PXDN: variants seen among roughly 807,000 people sequenced by gnomAD.
PXDN encodes peroxidasin, also known as peroxidasin homolog.
In PXDN, 77 loss-of-function variants were observed where a neutral mutation model predicts 140.3. That is an observed-to-expected ratio of 0.55 (90% CI 0.46 to 0.66). PXDN has a LOEUF of 0.66. PXDN is among the 30% of genes least tolerant of loss of function. The pLI is 0.00. For synonymous variants in PXDN, 911 were observed against 857.4 expected (o/e 1.06, Z -1.09); for missense variants, 1,838 against 2,039.5 (o/e 0.90, Z 1.90).
At position 1,633,980 on chromosome 2, in the gene PXDN, G is replaced by C; in HGVS notation, c.*224C>G. On this transcript the variant is annotated 3_prime_UTR_variant, in exon 23 of 23. Transcript: ENST00000252804. ...ACCTGAGAAGTCTAACGTGAAGCTAGGACTCCTGCCTGCTTCCCTTCAGGC... is the reference window on the plus strand; with the variant it reads ...ACCTGAGAAGTCTAACGTGAAGCTACGACTCCTGCCTGCTTCCCTTCAGGC... 2.1e-6 allele frequency: 1 copy of C among 486,442 alleles called. No homozygotes were observed. Among genetic ancestry groups the C allele is most frequent in the East Asian group, 3.3e-5 (1 of 30,550 alleles). 30.1% of individuals were successfully genotyped at this position (486,442 alleles called of 1,614,324 possible).
intron 14 of PXDN, 118 bp from the exon 15 acceptor site, chr2:1,654,626 A>G (rs547185077): frequency 9.4e-6 from 6 of 636,706 alleles, no homozygotes; most frequent in African/African-American, 9.2e-5. Flanking sequence ...TGTTATTTCT[A>G]TTTTTCAAAC....
chr2:1,734,513 T>C lies in PXDN; in HGVS notation c.200+9743A>G, dbSNP rs117762826. 9.8e-4 allele frequency among the ~76,000 whole-genome samples: 149 copies of C among 152,288 alleles called. 4 individuals are homozygous for C. In the East Asian group the frequency reaches 0.026, roughly 27 times the overall value. On this transcript the variant is annotated intron_variant, in intron 1 of 22. Coordinates refer to ENST00000252804, the MANE Select transcript of PXDN (RefSeq NM_012293.3). ...TATTGGCTCTTCCTTTCCCAAAAGG[T>C]TTCTCTGTAGTATGCGATGCTGTTT... is the stretch of plus-strand genomic sequence containing the variant.
chr2:1,712,264 CA>C, intron 1 of PXDN, among the ~76,000 whole-genome samples: 1 of 152,188 alleles, frequency 6.6e-6, no homozygotes. Flanking sequence ...TGAGTTTAAT[CA>C]GCAAATGTAA....
intron 1 of PXDN, among the ~76,000 whole-genome samples, chr2:1,740,744 T>C (rs1685524515): frequency 6.6e-6 from 1 of 152,178 alleles, no homozygotes; most frequent in South Asian, 2.1e-4. Context: ...GAGGGCAAGA[T>C]TCCGGTCTCG....
intron 1 of PXDN, among the ~76,000 whole-genome samples, chr2:1,701,950 T>TG (rs893198937): frequency 2.6e-5 from 4 of 152,146 alleles, no homozygotes; most frequent in Admixed American, 1.3e-4. Context: ...TGCTTGATCT[T>TG]GGACTTCCAG....
intron 7 of PXDN, among the ~76,000 whole-genome samples, chr2:1,677,579 C>T (rs112147217): frequency 5.9e-5 from 9 of 152,298 alleles, no homozygotes; most frequent in African/African-American, 1.7e-4. Context: ...CTGCCTCCTG[C>T]GTGCCCGTGA....
chr2:1,635,347 A>C, intron 22 of PXDN, 61 bp downstream of exon 22: 1 of 1,431,038 alleles, frequency 7.0e-7, no homozygotes, highest in East Asian at 2.5e-5. Context: ...CTGAGTGGTC[A>C]CATGGGACTC....
chr2:1,704,702 A>C (rs1684548168), intron 1 of PXDN, among the ~76,000 whole-genome samples: 3 of 151,466 alleles, frequency 2.0e-5, no homozygotes, highest in African/African-American at 7.3e-5. Context: ...CTTCCAGGTC[A>C]CAGGTAGATA....
At chr2:1,636,252 G>C (rs577228408) in intron 21 of PXDN, 1 of 153,050 alleles carries the variant, frequency 6.5e-6, no homozygotes, top group Admixed American at 6.5e-5. Flanking sequence ...AACTGTCTGT[G>C]ATGTCTGAAA....
Position 1,687,301 on chromosome 2 carries a change from G to A in PXDN, c.416+331C>T, listed in dbSNP as rs1209963879. On this transcript the variant is annotated intron_variant, in intron 4 of 22. Coordinates refer to ENST00000252804, the MANE Select transcript of PXDN (RefSeq NM_012293.3). The surrounding 1 kb of genome is among the most constrained non-coding windows in gnomAD (Gnocchi z 4.0). ...AAGGATGCCTTGATCGGACTTGGGC[G>A]CCTGCCTGTCTCTCCTCTAAGTTGT... Among the ~76,000 whole-genome samples the A allele has an allele frequency of 6.6e-6, 1 of 152,154 alleles. No individual in the cohort carries two copies. The highest frequency in any genetic ancestry group is 6.5e-5 in the Admixed American group (1 of 15,274).
chr2:1,633,166 C>CTTTTTTTT lies in PXDN; in HGVS notation c.*1030_*1037dup, dbSNP rs371485291. 1 of 136,334 alleles carries CTTTTTTTT rather than the reference C, an allele frequency of 7.3e-6. No individual in the cohort carries two copies. The highest frequency in any genetic ancestry group is 1.6e-5 in the Non-Finnish European group (1 of 64,512). The allele number at this position is 136,334 out of a possible 1,614,324, so 8.4% of individuals were successfully genotyped here. A position where few individuals can be genotyped will look rare whatever the true frequency, so the allele number is the denominator to read the frequency against. On this transcript the variant is annotated 3_prime_UTR_variant, in exon 23 of 23. Transcript: ENST00000252804. ...AAAATACAAATGAGGTATAGGGATT[C>CTTTTTTTT]TTTTTTTTTTTTTTTTTTAACGCAC...
intron 7 of PXDN, among the ~76,000 whole-genome samples, 190 bp downstream of exon 7, chr2:1,680,002 GT>G (rs1683849404): frequency 6.6e-6 from 1 of 150,486 alleles, no homozygotes; most frequent in Non-Finnish European, 1.5e-5. Context: ...AATGGTATGT[GT>G]GTGTGTGGAT....
At chr2:1,719,089 C>G (rs772626175) in intron 1 of PXDN, among the ~76,000 whole-genome samples, 1 of 152,242 alleles carries the variant, frequency 6.6e-6, no homozygotes, top group East Asian at 1.9e-4. Flanking sequence ...GCTGCACTGG[C>G]GCAGTCATGG....
At chr2:1,705,202 G>C (rs1287404335) in intron 1 of PXDN, among the ~76,000 whole-genome samples, 1 of 151,860 alleles carries the variant, frequency 6.6e-6, no homozygotes, top group African/African-American at 2.4e-5. Context: ...ACATCCCAGG[G>C]GCCCTGGGCC....
intron 7 of PXDN, among the ~76,000 whole-genome samples, 200 bp from the exon 8 acceptor site, chr2:1,677,244 T>C (rs981169252): frequency 6.6e-6 from 1 of 152,164 alleles, no homozygotes; most frequent in Non-Finnish European, 1.5e-5. Flanking sequence ...ATGATGTCTA[T>C]GCCTCAGGGT....
rs1159548901 is a variant in PXDN at position 1,638,862 on chromosome 2, G to C, written c.4190C>G (p.Thr1397Arg). The C allele has an allele frequency of 2.5e-6, 4 of 1,614,014 alleles. No homozygotes were observed. Among genetic ancestry groups the C allele is most frequent in the Non-Finnish European group, 3.4e-6 (4 of 1,179,888 alleles). The change falls in exon 21 of 23, where the codon ACA (threonine) becomes AGA (arginine). Residue 1397 changes from threonine to arginine, a missense_variant. Around this residue, in one of 5 missense-constraint regions of PXDN, gnomAD observed 850 missense variants for 894.1 expected, o/e 0.95. Coordinates refer to ENST00000252804, the MANE Select transcript of PXDN (RefSeq NM_012293.3). ...GCACCTCACCTGTGTTCTGAGGTCT[G>C]TGATGGTCTTCTGCATTTCCAGAAC... Reference protein sequence around the residue: ...EFVLEMQKTITDLRTQIKKLE... With the variant: ...EFVLEMQKTIRDLRTQIKKLE...
intron 2 of PXDN, chr2:1,692,403 GCCCGT>G (rs1558511278): frequency 2.3e-6 from 1 of 429,836 alleles, no homozygotes; most frequent in Non-Finnish European, 4.8e-6. Context: ...GGGCCCTGTG[GCCCGT>G]GCTCCATTCG....
chr2:1,736,909 C>T (rs1182253382), intron 1 of PXDN, among the ~76,000 whole-genome samples: 1 of 152,200 alleles, frequency 6.6e-6, no homozygotes, highest in Admixed American at 6.5e-5. Context: ...ACTGGTCAAG[C>T]CTCTCCTTCT....
rs1417055519 is a variant in PXDN at position 1,639,276 on chromosome 2, T to G, written c.4073+26A>C. On this transcript the variant is annotated intron_variant, in intron 20 of 22. Transcript: ENST00000252804. The surrounding 1 kb of genome is among the most constrained non-coding windows in gnomAD (Gnocchi z 5.0). ...CGCGGTGCGAGGGCCCCTCTGCACA[T>G]CATTTGACCTCAGAGACCACCATAC... is the stretch of plus-strand genomic sequence containing the variant. 2.5e-6 allele frequency: 4 copies of G among 1,603,034 alleles called. No homozygotes were observed. The highest frequency in any genetic ancestry group is 2.6e-6 in the Non-Finnish European group (3 of 1,174,444).
Sources: gnomAD v4.1 joint callset for allele counts (sites outside exome capture counted in the v4.1 genomes callset) on GRCh38, gnomAD v4.1.1 for gene constraint, gnomAD v4.1.1 regional missense constraint, Gnocchi (gnomAD v3.1) non-coding constraint, MANE v1.5 for transcripts, NCBI Gene and HGNC (gene_info 2026-07-23, HGNC 2026-07-21) for gene names.